Variants in SLC35F3 observed in about 807,000 individuals in gnomAD.
The protein encoded by SLC35F3 is solute carrier family 35 member F3.
Under a neutral mutation model 49.9 loss-of-function variants are expected in SLC35F3, and 25 were observed. The observed-to-expected ratio is 0.50, with a 90% confidence interval of 0.37 to 0.70. The LOEUF is 0.70. Ranked by LOEUF, SLC35F3 falls within the 30% of genes least tolerant of loss-of-function variation. SLC35F3 has a pLI of 0.00. For missense variants in SLC35F3, 525 were observed against 639.8 expected (o/e 0.82, Z 1.94); for synonymous variants, 275 against 265.4 (o/e 1.04, Z -0.35).
At chr1:234,147,386 A>G (rs559072730) in intron 2 of SLC35F3, among the ~76,000 whole-genome samples, 2 of 152,188 alleles carry the variant, frequency 1.3e-5, no homozygotes, top group Admixed American at 1.3e-4. Context: ...ATTGTATCAT[A>G]TGTAATATTT....
intron 2 of SLC35F3, among the ~76,000 whole-genome samples, chr1:234,067,610 C>T (rs577185755): frequency 1.3e-5 from 2 of 152,084 alleles, no homozygotes; most frequent in East Asian, 3.9e-4. Context: ...GACTACCTGG[C>T]GAAGAAGCTT....
rs1401493419 is a variant in SLC35F3, at chr1:233,948,631, A to C, written c.283+42873A>C. Among the ~76,000 whole-genome samples, 19 of 151,462 alleles carry C rather than the reference A, an allele frequency of 1.3e-4. No homozygotes were observed. The East Asian group carries it at 3.7e-3, about 30-fold the overall frequency. On this transcript the variant is annotated intron_variant, in intron 2 of 7. Coordinates refer to ENST00000366618, the MANE Select transcript of SLC35F3 (RefSeq NM_173508.4). Reference sequence around the variant, plus strand: ...CATTGTGCAGGTTAGTTACATATGTATACATGAGCCATGCTGGTGTGCTGC... The same window carrying C: ...CATTGTGCAGGTTAGTTACATATGTCTACATGAGCCATGCTGGTGTGCTGC...
intron 3 of SLC35F3, among the ~76,000 whole-genome samples, chr1:234,265,966 C>G (rs968647960): frequency 6.6e-6 from 1 of 152,168 alleles, no homozygotes; most frequent in Non-Finnish European, 1.5e-5. Flanking sequence ...TCTGTTCAGG[C>G]CTTTGCTCAA....
At chr1:234,143,423 G>A (rs1433243735) in intron 2 of SLC35F3, among the ~76,000 whole-genome samples, 2 of 151,712 alleles carry the variant, frequency 1.3e-5, no homozygotes, top group African/African-American at 2.4e-5. Flanking sequence ...CAAGTAGCTG[G>A]GATTATAGGT....
intron 3 of SLC35F3, among the ~76,000 whole-genome samples, chr1:234,299,350 C>T (rs759971761): frequency 2.6e-5 from 4 of 152,108 alleles, no homozygotes; most frequent in East Asian, 1.9e-4. Flanking sequence ...TTGAGACCAA[C>T]GAAAGTTCTA....
intron 2 of SLC35F3, among the ~76,000 whole-genome samples, chr1:233,946,118 A>G (rs921936228): frequency 6.6e-6 from 1 of 152,218 alleles, no homozygotes; most frequent in African/African-American, 2.4e-5. Flanking sequence ...TTGACTGTAC[A>G]AATACTGCAA....
At chr1:234,185,563 C>T (rs1666630546) in intron 2 of SLC35F3, among the ~76,000 whole-genome samples, 1 of 152,194 alleles carries the variant, frequency 6.6e-6, no homozygotes, top group Admixed American at 6.5e-5. Flanking sequence ...AGCCTGCCTT[C>T]ACATGGCTGG....
intron 2 of SLC35F3, among the ~76,000 whole-genome samples, chr1:234,123,964 TC>T (rs1172633563): frequency 6.6e-6 from 1 of 152,112 alleles, no homozygotes; most frequent in Non-Finnish European, 1.5e-5. Flanking sequence ...ACCAGCTCAG[TC>T]CCCATAATGC....
At chr1:234,314,157 C>A (rs1657426674) in intron 4 of SLC35F3, among the ~76,000 whole-genome samples, 1 of 152,276 alleles carries the variant, frequency 6.6e-6, no homozygotes, top group Non-Finnish European at 1.5e-5. Flanking sequence ...AGATCAGAGT[C>A]CCCCGCCTGC....
intron 2 of SLC35F3, among the ~76,000 whole-genome samples, chr1:233,966,201 G>A (rs913629967): frequency 1.3e-5 from 2 of 152,218 alleles, no homozygotes; most frequent in African/African-American, 2.4e-5. Flanking sequence ...GATAGCAAAA[G>A]TGAAGAAAAG....
chr1:234,047,849 G>A (rs1331730813), intron 2 of SLC35F3, among the ~76,000 whole-genome samples: 1 of 152,172 alleles, frequency 6.6e-6, no homozygotes, highest in Non-Finnish European at 1.5e-5. Flanking sequence ...GGATGTTAAC[G>A]ATGATTCTGG....
chr1:234,278,205 A>G (rs1001386029), intron 3 of SLC35F3, among the ~76,000 whole-genome samples: 2 of 152,034 alleles, frequency 1.3e-5, no homozygotes, highest in African/African-American at 4.8e-5. Context: ...AAAAAAAATA[A>G]AAGGGCCGGG....
At chr1:233,932,514 A>G (rs74738066) in intron 2 of SLC35F3, among the ~76,000 whole-genome samples, 15,316 of 152,186 alleles carry the variant, frequency 0.1, 842 homozygotes, top group Non-Finnish European at 0.13. Flanking sequence ...GGTGTGTGGA[A>G]GCCTTCTTTC....
chr1:233,967,355 A>C (rs1308797675), intron 2 of SLC35F3, among the ~76,000 whole-genome samples: 1 of 152,188 alleles, frequency 6.6e-6, no homozygotes, highest in South Asian at 2.1e-4. Context: ...CTAGGCATCT[A>C]TATGTAGTTT....
chr1:233,991,797 A>G (rs1174865169), intron 2 of SLC35F3, among the ~76,000 whole-genome samples: 2 of 152,114 alleles, frequency 1.3e-5, no homozygotes, highest in African/African-American at 2.4e-5. Flanking sequence ...GCTACTTTTC[A>G]TCATCATCAT....
At chr1:233,911,917 AAG>A (rs1286638984) in intron 2 of SLC35F3, among the ~76,000 whole-genome samples, 2 of 152,216 alleles carry the variant, frequency 1.3e-5, no homozygotes, top group African/African-American at 4.8e-5. Context: ...TCTCATTAAA[AAG>A]AGTCTAGTCT....
At chr1:234,276,679 T>C (rs889011928) in intron 3 of SLC35F3, among the ~76,000 whole-genome samples, 1 of 152,200 alleles carries the variant, frequency 6.6e-6, no homozygotes, top group African/African-American at 2.4e-5. Context: ...ACCTCTCTAT[T>C]GCGACAACTC....
chr1:234,034,221 A>T (rs1312797031), intron 2 of SLC35F3, among the ~76,000 whole-genome samples: 1 of 152,196 alleles, frequency 6.6e-6, no homozygotes, highest in African/African-American at 2.4e-5. Context: ...CTGAAACTTT[A>T]CTGAATTCAT....
At chr1:234,165,737 T>C (rs1666309304) in intron 2 of SLC35F3, among the ~76,000 whole-genome samples, 1 of 152,128 alleles carries the variant, frequency 6.6e-6, no homozygotes, top group Non-Finnish European at 1.5e-5. Context: ...GCTTTAGGGG[T>C]ACAAGTGCTT....
Sources: allele counts gnomAD v4.1 joint callset (sites outside exome capture counted in the v4.1 genomes callset), GRCh38; gene constraint gnomAD v4.1.1; transcripts MANE v1.5; gene names NCBI Gene and HGNC (gene_info 2026-07-23, HGNC 2026-07-21).